The following ZNF805 variants were observed in gnomAD, a reference collection of about 807,000 sequenced individuals.
The protein encoded by ZNF805 is CTC-444N24.8.
A neutral mutation model predicts 13.6 loss-of-function variants in ZNF805; 7 were observed. The observed-to-expected ratio is 0.51, with a 90% CI of 0.29 to 0.97. The LOEUF is 0.97. ZNF805 is among the 50% of genes least tolerant of loss of function. The pLI is 0.08. For synonymous variants in ZNF805, 293 were observed against 279.8 expected (o/e 1.05, Z -0.47); for missense variants, 604 against 771.0 (o/e 0.78, Z 2.57).
At position 57,258,328 on chromosome 19, in the gene ZNF805, T is replaced by C. The variant is rs2087701954; in HGVS notation, c.*3625T>C. 6.6e-6 allele frequency among the ~76,000 whole-genome samples: 1 copy of C among 152,090 alleles called. No individual in the cohort carries two copies. Among genetic ancestry groups the C allele is most frequent in the Non-Finnish European group, 1.5e-5 (1 of 68,010 alleles). On this transcript the variant is annotated 3_prime_UTR_variant, in exon 4 of 4. Coordinates refer to ENST00000414468, the MANE Select transcript of ZNF805 (RefSeq NM_001023563.4). Reference sequence around the variant, plus strand: ...CCAGTTTGCATATTTCTGTCTTTTATTGGTGTATTTAGACCATTTAAAGTT... The same window carrying C: ...CCAGTTTGCATATTTCTGTCTTTTACTGGTGTATTTAGACCATTTAAAGTT...
intron 2 of ZNF805, among the ~76,000 whole-genome samples, chr19:57,245,516 AT>A (rs1479476554): frequency 2.0e-5 from 3 of 152,106 alleles, no homozygotes; most frequent in African/African-American, 7.2e-5. Flanking sequence ...GCGATAGCTC[AT>A]GCCTGTAATC....
intron 2 of ZNF805, among the ~76,000 whole-genome samples, chr19:57,245,065 T>C (rs2087604216): frequency 6.6e-6 from 1 of 152,074 alleles, no homozygotes; most frequent in South Asian, 2.1e-4. Flanking sequence ...CTAAGAAGGG[T>C]TGAGTCAGGC....
chr19:57,247,422 C>T (rs1374411249), intron 2 of ZNF805, among the ~76,000 whole-genome samples: 7 of 152,186 alleles, frequency 4.6e-5, no homozygotes, highest in Non-Finnish European at 7.3e-5. Flanking sequence ...GAAGCCAGAA[C>T]GCTGGTGTCC....
chr19:57,248,206 TG>T (rs2087630481), intron 2 of ZNF805, among the ~76,000 whole-genome samples: 1 of 143,914 alleles, frequency 6.9e-6, no homozygotes, highest in Admixed American at 6.8e-5. Flanking sequence ...TTGCTTAGGA[TG>T]TTAAAAAAAA....
intron 3 of ZNF805, among the ~76,000 whole-genome samples, chr19:57,252,733 T>C (rs2087659087): frequency 6.6e-6 from 1 of 152,220 alleles, no homozygotes; most frequent in African/African-American, 2.4e-5. Flanking sequence ...TTGGTCTTTC[T>C]GGTGCCACCA....
intron 1 of ZNF805, among the ~76,000 whole-genome samples, chr19:57,243,719 G>T (rs189078064): frequency 6.6e-6 from 1 of 152,234 alleles, no homozygotes; most frequent in East Asian, 1.9e-4. Flanking sequence ...GTTATTCTTT[G>T]ATGGCTCCTA....
Position 57,249,473 on chromosome 19 carries a change from A to G in ZNF805, c.253+773A>G, listed in dbSNP as rs543651736. ...GGCAGTTTGAAGTTGTAATCATGTG[A>G]TACATTAATGCATAAAACTGCATAG... On this transcript the variant is annotated intron_variant, in intron 3 of 3. Coordinates refer to ENST00000414468, the MANE Select transcript of ZNF805 (RefSeq NM_001023563.4). Among the ~76,000 whole-genome samples, 6 of 152,374 alleles carry G rather than the reference A, an allele frequency of 3.9e-5. No individual in the cohort carries two copies. In the East Asian group the frequency reaches 1.2e-3, roughly 29 times the overall value.
chr19:57,254,854 T>C lies in ZNF805; in HGVS notation c.*151T>C. On this transcript the variant is annotated 3_prime_UTR_variant, in exon 4 of 4. Transcript: ENST00000414468. ...GGGAAAACCTTTAGCTCCATCTTTCTCATTAGTTTACAGTGCAATGTTATC... is the reference window on the plus strand; with the variant it reads ...GGGAAAACCTTTAGCTCCATCTTTCCCATTAGTTTACAGTGCAATGTTATC... 2.6e-6 allele frequency: 2 copies of C among 775,798 alleles called. No homozygotes were observed. Among genetic ancestry groups the C allele is most frequent in the Admixed American group, 3.1e-5 (1 of 32,714 alleles). 48.1% of individuals were successfully genotyped at this position (775,798 alleles called of 1,614,324 possible).
At chr19:57,246,558 A>G (rs894915016) in intron 2 of ZNF805, among the ~76,000 whole-genome samples, 3 of 152,074 alleles carry the variant, frequency 2.0e-5, no homozygotes, top group Admixed American at 6.5e-5. Flanking sequence ...CAGGCAGATC[A>G]CGAGGTCAGT....
chr19:57,248,600 A>C lies in ZNF805; in HGVS notation c.158-5A>C, dbSNP rs748194786. On this transcript the variant is annotated splice_region_variant and splice_polypyrimidine_tract_variant and intron_variant, in intron 2 of 3. Transcript: ENST00000414468. ...CATGTGTCCACTTGCTTTCTCCATA[A>C]ACAGGGTGTCCTGTTCCCAGACCTG... 131 of 1,580,078 alleles carry C rather than the reference A, an allele frequency of 8.3e-5. No individual in the cohort carries two copies. The highest frequency in any genetic ancestry group is 1.1e-4 in the Non-Finnish European group (130 of 1,161,186).
chr19:57,242,398 C>G (rs187573456), intron 1 of ZNF805, among the ~76,000 whole-genome samples: 1 of 152,332 alleles, frequency 6.6e-6, no homozygotes, highest in Non-Finnish European at 1.5e-5. Context: ...ATGAGGTTAC[C>G]ATGGTTCCCC....
At chr19:57,246,650 C>T (rs1284808383) in intron 2 of ZNF805, among the ~76,000 whole-genome samples, 1 of 151,974 alleles carries the variant, frequency 6.6e-6, no homozygotes, top group Non-Finnish European at 1.5e-5. Flanking sequence ...GTAGCGCATG[C>T]CTGTAATCCC....
At chr19:57,252,654 A>C (rs1217551799) in intron 3 of ZNF805, among the ~76,000 whole-genome samples, 1 of 152,220 alleles carries the variant, frequency 6.6e-6, no homozygotes, top group East Asian at 1.9e-4. Flanking sequence ...TGAAGTTTCC[A>C]GCCTTCGTCC....
Position 57,259,956 on chromosome 19 carries a change from T to G in ZNF805, c.*5253T>G, listed in dbSNP as rs1024982748. 6.6e-6 allele frequency among the ~76,000 whole-genome samples: 1 copy of G among 152,208 alleles called. No individual in the cohort carries two copies. Among genetic ancestry groups the G allele is most frequent in the African/African-American group, 2.4e-5 (1 of 41,466 alleles). On this transcript the variant is annotated 3_prime_UTR_variant, in exon 4 of 4. Transcript: ENST00000414468. Reference sequence around the variant, plus strand: ...AGAAATCCTAAATTATCTGGAGGAGTAGAAGTCCTGTAATCTTTTATATTG... The same window carrying G: ...AGAAATCCTAAATTATCTGGAGGAGGAGAAGTCCTGTAATCTTTTATATTG...
At position 57,261,624 on chromosome 19, in the gene ZNF805, T is replaced by C. The variant is rs1386062057; in HGVS notation, c.*6921T>C. 2.4e-5 allele frequency: 4 copies of C among 167,068 alleles called. No homozygotes were observed. Among genetic ancestry groups the C allele is most frequent in the Non-Finnish European group, 4.4e-5 (3 of 68,124 alleles). 10.3% of individuals were successfully genotyped at this position (167,068 alleles called of 1,614,324 possible). A position where few individuals can be genotyped will look rare whatever the true frequency, so the allele number is the denominator to read the frequency against. On this transcript the variant is annotated 3_prime_UTR_variant, in exon 4 of 4. Coordinates refer to ENST00000414468, the MANE Select transcript of ZNF805 (RefSeq NM_001023563.4). ...CGCGTTTACCACAAAGCTGTGCATA[T>C]AGGTGGCACCATATATGGCGTACCT...
Position 57,258,839 on chromosome 19 carries a change from G to A in ZNF805, c.*4136G>A, listed in dbSNP as rs1176247374. Among the ~76,000 whole-genome samples, 2 of 152,146 alleles carry A rather than the reference G, an allele frequency of 1.3e-5. No homozygotes were observed. The highest frequency in any genetic ancestry group is 1.9e-4 in the East Asian group (1 of 5,166). ...TATTAACATTTTCTTTCTGTTTGGC[G>A]AACTTGTGTAACCTTTTTTCTAGGG... is the stretch of plus-strand genomic sequence containing the variant. On this transcript the variant is annotated 3_prime_UTR_variant, in exon 4 of 4. Transcript: ENST00000414468.
rs1184972938 is a variant in ZNF805, at chr19:57,259,022, C to T, written c.*4319C>T. Among the ~76,000 whole-genome samples, 1 of 152,144 alleles carries T rather than the reference C, an allele frequency of 6.6e-6. No homozygotes were observed. Among genetic ancestry groups the T allele is most frequent in the Non-Finnish European group, 1.5e-5 (1 of 68,022 alleles). On this transcript the variant is annotated 3_prime_UTR_variant, in exon 4 of 4. Transcript: ENST00000414468. ...ATGGTTTCAGATGAGAAATCTGTTG[C>T]CATTTGAACCATTGTTCCCTAGTTC...
chr19:57,242,120 C>G (rs2087583435), intron 1 of ZNF805, among the ~76,000 whole-genome samples: 1 of 152,200 alleles, frequency 6.6e-6, no homozygotes, highest in Non-Finnish European at 1.5e-5. Context: ...ATAAACACTG[C>G]TGTACACAAG....
chr19:57,255,784 G>T lies in ZNF805; in HGVS notation c.*1081G>T, dbSNP rs905902436. On this transcript the variant is annotated 3_prime_UTR_variant, in exon 4 of 4. Transcript: ENST00000414468. ...TATAGAAATGTCATTTGCAATTTGG[G>T]ACAGTTTTATTTCTTGCTTCCCATC... is the stretch of plus-strand genomic sequence containing the variant. 1.3e-5 allele frequency among the ~76,000 whole-genome samples: 2 copies of T among 152,038 alleles called. No homozygotes were observed. The highest frequency in any genetic ancestry group is 2.9e-5 in the Non-Finnish European group (2 of 67,958).
Sources: gnomAD v4.1 joint callset for allele counts (sites outside exome capture counted in the v4.1 genomes callset) on GRCh38, gnomAD v4.1.1 for gene constraint, MANE v1.5 for transcripts, NCBI Gene and HGNC (gene_info 2026-07-23, HGNC 2026-07-21) for gene names.